Variants in CELSR1 observed in about 807,000 individuals in gnomAD.
CELSR1 encodes adhesion G protein-coupled receptor C1.
A neutral mutation model predicts 249.1 loss-of-function variants in CELSR1; 110 were observed. That is an observed-to-expected ratio of 0.44 (90% CI 0.38 to 0.52). The LOEUF (loss-of-function observed/expected upper bound fraction) is 0.52, where lower values mean the gene tolerates loss of function less well. CELSR1 is among the 20% of genes least tolerant of loss of function. The probability of loss-of-function intolerance (pLI) is 0.00; values close to 1 mark genes in which losing one functional copy is unlikely to be tolerated. For missense variants in CELSR1, 4,109 were observed against 4,296.4 expected, an observed-to-expected ratio of 0.96 and a Z score of 1.22; for synonymous variants, 2,113 against 1,900.0, an observed-to-expected ratio of 1.11 and a Z score of -2.92.
chr22:46,458,299 C>T (rs140689180), intron 2 of CELSR1, among the ~76,000 whole-genome samples: 5 of 152,260 alleles, frequency 3.3e-5, no homozygotes, highest in East Asian at 1.9e-4. Context: ...ACTGGAGCAC[C>T]GGTCACCCCA....
rs2078977719 is a variant in CELSR1, at chr22:46,381,527, G to GAA, written c.7088+318_7088+319insTT. Among the ~76,000 whole-genome samples, 1 of 152,228 alleles carries GAA rather than the reference G, an allele frequency of 6.6e-6. No individual in the cohort carries two copies. The highest frequency in any genetic ancestry group is 2.4e-5 in the African/African-American group (1 of 41,458). ...GCAGGCACTACCCATGACAGCCTTG[G>GAA]GCCAGGTGTGTGGGGACAGAATGGG... On this transcript the variant is annotated intron_variant, in intron 21 of 34. Coordinates refer to ENST00000674500, the MANE Select transcript of CELSR1 (RefSeq NM_001378328.1). The surrounding 1 kb of genome is among the most constrained non-coding windows in gnomAD (Gnocchi z 6.0).
In CELSR1 at chr22:46,427,458, A is replaced by G. The variant is rs1211705252; in HGVS notation, c.4611+5935T>C. Among the ~76,000 whole-genome samples the G allele has an allele frequency of 6.6e-6, 1 of 152,180 alleles. No homozygotes were observed. Among genetic ancestry groups the G allele is most frequent in the African/African-American group, 2.4e-5 (1 of 41,442 alleles). ...AGGCTGAGGCAGGAGAATTGCTTGA[A>G]CCTGGGAGGCAGAGGTTGCAGTGAG... is the stretch of plus-strand genomic sequence containing the variant. On this transcript the variant is annotated intron_variant, in intron 5 of 34. Coordinates refer to ENST00000674500, the MANE Select transcript of CELSR1 (RefSeq NM_001378328.1). This position sits in a 1 kb window ranked among gnomAD's most constrained non-coding sequence, Gnocchi z 4.2.
chr22:46,367,045 C>T lies in CELSR1; in HGVS notation c.8153G>A (p.Gly2718Glu). 6.2e-7 allele frequency: 1 copy of T among 1,611,148 alleles called. No individual in the cohort carries two copies. The highest frequency in any genetic ancestry group is 8.5e-7 in the Non-Finnish European group (1 of 1,179,622). Residue 2718 changes from glycine to glutamate, a missense_variant, in exon 29 of 35, where the codon GGG becomes GAG. Gly to Glu is a moderately conservative substitution (Grantham distance 98). Coordinates refer to ENST00000674500, the MANE Select transcript of CELSR1 (RefSeq NM_001378328.1). ...VRKHLKGVLG[G>E]RKLHLEDSAT... ...GGAGTCCTCCAGGTGCAGCTTCCTCCCGCCGAGCACGCCCTTCAGGTGCTT... is the reference window on the plus strand; with the variant it reads ...GGAGTCCTCCAGGTGCAGCTTCCTCTCGCCGAGCACGCCCTTCAGGTGCTT...
At position 46,369,191 on chromosome 22, in the gene CELSR1, T is replaced by C. The variant is rs763792140; in HGVS notation, c.7940A>G (p.Lys2647Arg). The C allele has an allele frequency of 6.2e-7, 1 of 1,614,072 alleles. No homozygotes were observed. The highest frequency in any genetic ancestry group is 8.5e-7 in the Non-Finnish European group (1 of 1,179,940). ...SCQRKHHYYG[K>R]KGIVSLLRTA... is the part of the protein sequence containing the mutation. The stretch of plus-strand genomic sequence containing the variant: ...CAGCCCCACTTACACGATCCCTTTT[T>C]TCCCATAATAATGGTGCTTTCTTTG... The change falls in exon 27 of 35, where the codon AAA (lysine) becomes AGA (arginine). Residue 2647 changes from lysine (K) to arginine (R), a missense_variant. Coordinates refer to ENST00000674500, the MANE Select transcript of CELSR1 (RefSeq NM_001378328.1).
In CELSR1 at chr22:46,391,560, C is replaced by G; in HGVS notation, c.6148+73G>C. The G allele has an allele frequency of 6.9e-7, 1 of 1,453,424 alleles. No individual in the cohort carries two copies. Among genetic ancestry groups the G allele is most frequent in the African/African-American group, 1.4e-5 (1 of 71,084 alleles). The allele number at this position is 1,453,424 out of a possible 1,614,324, so 90.0% of individuals were successfully genotyped here. A position where few individuals can be genotyped will look rare whatever the true frequency, so the allele number is the denominator to read the frequency against. On this transcript the variant is annotated intron_variant, in intron 15 of 34. Transcript: ENST00000674500. This position sits in a 1 kb window ranked among gnomAD's most constrained non-coding sequence, Gnocchi z 4.3. ...GTCCCCCAAACACCCAGCGTGCATG[C>G]ACACACGTGCACGCCAGTGCAGCAG...
Position 46,401,732 on chromosome 22 carries a change from G to T in CELSR1, c.5227-1830C>A, listed in dbSNP as rs2079212490. On this transcript the variant is annotated intron_variant, in intron 9 of 34. Coordinates refer to ENST00000674500, the MANE Select transcript of CELSR1 (RefSeq NM_001378328.1). The surrounding 1 kb of genome is among the most constrained non-coding windows in gnomAD (Gnocchi z 4.7). ...AGGGTTGTTCCTTGGCTTCTGGTTG[G>T]AACCCTGAGGGGTTTACACTAACGA... 1.3e-5 allele frequency among the ~76,000 whole-genome samples: 2 copies of T among 152,194 alleles called. No individual in the cohort carries two copies. Among genetic ancestry groups the T allele is most frequent in the African/African-American group, 4.8e-5 (2 of 41,448 alleles).
At chr22:46,419,800 C>T (rs1017121219) in intron 5 of CELSR1, among the ~76,000 whole-genome samples, 4 of 150,476 alleles carry the variant, frequency 2.7e-5, no homozygotes, top group African/African-American at 9.8e-5. Context: ...CGCCCTCACC[C>T]ATGCACATGC....
chr22:46,365,212 A>T lies in CELSR1; in HGVS notation c.8554+19T>A. 6.2e-7 allele frequency: 1 copy of T among 1,608,194 alleles called. No homozygotes were observed. Reference sequence around the variant, plus strand: ...GCTGTCCACAGCCCAGCCTGGCCCAATGTGCCCCACACACTCACCTTTGGG... The same window carrying T: ...GCTGTCCACAGCCCAGCCTGGCCCATTGTGCCCCACACACTCACCTTTGGG... On this transcript the variant is annotated intron_variant, in intron 32 of 34. Transcript: ENST00000674500.
At chr22:46,507,180 C>A (rs761901025) in intron 1 of CELSR1, among the ~76,000 whole-genome samples, 3 of 152,126 alleles carry the variant, frequency 2.0e-5, no homozygotes, top group Non-Finnish European at 2.9e-5. Flanking sequence ...GAGTGAAACT[C>A]TGTCTAAAAA....
At position 46,389,396 on chromosome 22, in the gene CELSR1, C is replaced by A. The variant is rs1167228557; in HGVS notation, c.6449G>T (p.Gly2150Val). The change falls in exon 18 of 35, where the codon GGC becomes GTC. Residue 2150 changes from glycine to valine, a missense_variant. Gly to Val is a moderately radical substitution (Grantham distance 109, BLOSUM62 -3). Coordinates refer to ENST00000674500, the MANE Select transcript of CELSR1 (RefSeq NM_001378328.1). ...CTGGTAGGCCGTGCGCACGTCATTG[C>A]CAAAGAGCGTGCCCGTGTGCTGTGT... Reference protein sequence around the residue: ...SATQHTGTLFGNDVRTAYQLL... With the variant: ...SATQHTGTLFVNDVRTAYQLL... 1.2e-6 allele frequency: 2 copies of A among 1,612,106 alleles called. No individual in the cohort carries two copies. Among genetic ancestry groups the A allele is most frequent in the Middle Eastern group, 1.7e-4 (1 of 5,934 alleles).
chr22:46,424,358 C>T (rs1569153600), intron 5 of CELSR1, among the ~76,000 whole-genome samples: 1 of 152,108 alleles, frequency 6.6e-6, no homozygotes, highest in Admixed American at 6.5e-5. Flanking sequence ...GGGTTACAGG[C>T]GTGAGCCACC....
In CELSR1 at chr22:46,512,570, TCAA is replaced by T. The variant is rs975241730; in HGVS notation, c.3544+21054_3544+21056del. Among the ~76,000 whole-genome samples the T allele has an allele frequency of 6.6e-6, 1 of 152,054 alleles. No homozygotes were observed. The highest frequency in any genetic ancestry group is 2.4e-5 in the African/African-American group (1 of 41,386). ...CTGGGTGAAAGAGTGAGACTCCATC[TCAA>T]CAACAACAAAAAATCAAGGCCCAAT... On this transcript the variant is annotated intron_variant, in intron 1 of 34. Coordinates refer to ENST00000674500, the MANE Select transcript of CELSR1 (RefSeq NM_001378328.1). The surrounding 1 kb of genome is among the most constrained non-coding windows in gnomAD (Gnocchi z 5.2).
At chr22:46,373,148 A>C in intron 24 of CELSR1, 91 bp from the exon 25 acceptor site, 1 of 1,328,578 alleles carries the variant, frequency 7.5e-7, no homozygotes, top group East Asian at 2.6e-5. Flanking sequence ...GGGAGAGCTC[A>C]CAATTCGGAC....
In CELSR1 at chr22:46,411,462, G is replaced by T; in HGVS notation, c.4769+140C>A. 1 of 925,472 alleles carries T rather than the reference G, an allele frequency of 1.1e-6. No individual in the cohort carries two copies. Among genetic ancestry groups the T allele is most frequent in the Non-Finnish European group, 1.6e-6 (1 of 626,712 alleles). The allele number at this position is 925,472 out of a possible 1,614,324, so 57.3% of individuals were successfully genotyped here. A position where few individuals can be genotyped will look rare whatever the true frequency, so the allele number is the denominator to read the frequency against. ...GGGAAGGTGCCCCAACCATGGACAG[G>T]ATGTCTGACTCTAGCCTGGAATGAG... On this transcript the variant is annotated intron_variant, in intron 6 of 34. Transcript: ENST00000674500. The surrounding 1 kb of genome is among the most constrained non-coding windows in gnomAD (Gnocchi z 4.2).
At position 46,391,066 on chromosome 22, in the gene CELSR1, A is replaced by G; in HGVS notation, c.6250+120T>C. On this transcript the variant is annotated intron_variant, in intron 16 of 34. Transcript: ENST00000674500. This position sits in a 1 kb window ranked among gnomAD's most constrained non-coding sequence, Gnocchi z 4.3. ...GGAAAAGGCGATCGGATTTCTCCCC[A>G]GCACTTTGCCTGCGGATATTTTTTC... 1.3e-6 allele frequency: 1 copy of G among 776,442 alleles called. No individual in the cohort carries two copies. The highest frequency in any genetic ancestry group is 2.1e-6 in the Non-Finnish European group (1 of 483,726). 48.1% of individuals were successfully genotyped at this position (776,442 alleles called of 1,614,324 possible).
Position 46,512,029 on chromosome 22 carries a change from G to A in CELSR1, c.3544+21598C>T, listed in dbSNP as rs916427278. On this transcript the variant is annotated intron_variant, in intron 1 of 34. Transcript: ENST00000674500. This position sits in a 1 kb window ranked among gnomAD's most constrained non-coding sequence, Gnocchi z 5.2. ...GTCCTTCATGCTGCCTCCGAGAAAC[G>A]CAGCAAGTCATTCAGGTTCTGGGGT... Among the ~76,000 whole-genome samples the A allele has an allele frequency of 3.0e-4, 46 of 151,998 alleles. No individual in the cohort carries two copies. The highest frequency in any genetic ancestry group is 7.9e-4 in the Admixed American group (12 of 15,262).
At position 46,428,173 on chromosome 22, in the gene CELSR1, G is replaced by A. The variant is rs188008137; in HGVS notation, c.4611+5220C>T. 6.6e-6 allele frequency among the ~76,000 whole-genome samples: 1 copy of A among 152,302 alleles called. No homozygotes were observed. The highest frequency in any genetic ancestry group is 1.5e-5 in the Non-Finnish European group (1 of 68,028). On this transcript the variant is annotated intron_variant, in intron 5 of 34. Coordinates refer to ENST00000674500, the MANE Select transcript of CELSR1 (RefSeq NM_001378328.1). This position sits in a 1 kb window ranked among gnomAD's most constrained non-coding sequence, Gnocchi z 5.7. ...CCGGTTTGTTGCAACCGGGCCTCAT[G>A]CTGTCTTTATAAAAGCACTTTCCGC...
chr22:46,463,590 G>T, intron 2 of CELSR1, 117 bp downstream of exon 2: 1 of 1,151,676 alleles, frequency 8.7e-7, no homozygotes, highest in Non-Finnish European at 1.2e-6. Context: ...CCTGGGCCCA[G>T]CGCCCATCCT....
At chr22:46,432,097 G>C (rs150634071) in intron 5 of CELSR1, among the ~76,000 whole-genome samples, 13 of 152,336 alleles carry the variant, frequency 8.5e-5, no homozygotes, top group African/African-American at 1.2e-4. Flanking sequence ...TGGCACTGAT[G>C]GGACAGAGGA....
Sources: allele counts gnomAD v4.1 joint callset (sites outside exome capture counted in the v4.1 genomes callset), GRCh38; gene constraint gnomAD v4.1.1; non-coding constraint Gnocchi (gnomAD v3.1); transcripts MANE v1.5; gene names NCBI Gene and HGNC (gene_info 2026-07-23, HGNC 2026-07-21).